Variants in TLDC2 observed in about 807,000 individuals in gnomAD.
The protein encoded by TLDC2 is TLD domain-containing protein 2.
A neutral mutation model predicts 27.9 loss-of-function variants in TLDC2; 23 were observed. The observed-to-expected ratio is 0.82, with a 90% CI of 0.59 to 1.17. TLDC2 has a LOEUF of 1.17. TLDC2 is among the 50% of genes most tolerant of loss of function. The pLI, the probability that TLDC2 is intolerant of heterozygous loss-of-function variation, is 0.00. For missense variants in TLDC2, 286 were observed against 273.4 expected, an observed-to-expected ratio of 1.05 and a Z score of -0.32; for synonymous variants, 124 against 107.4, an observed-to-expected ratio of 1.16 and a Z score of -0.96.
intron 2 of TLDC2, among the ~76,000 whole-genome samples, chr20:36,878,653 G>C (rs1989729524): frequency 6.6e-6 from 1 of 152,024 alleles, no homozygotes; most frequent in Admixed American, 6.6e-5. Flanking sequence ...AGCTGGAGAG[G>C]GGTGGGCGGA....
intron 2 of TLDC2, 29 bp from the exon 3 acceptor site, chr20:36,879,012 C>T: frequency 6.2e-7 from 1 of 1,614,072 alleles, no homozygotes; most frequent in Non-Finnish European, 8.5e-7. Flanking sequence ...GAGGAGAACT[C>T]CTCCATTCAC....
chr20:36,887,112 TGA>T (rs1235704569), intron 4 of TLDC2, among the ~76,000 whole-genome samples: 1 of 151,550 alleles, frequency 6.6e-6, no homozygotes, highest in Non-Finnish European at 1.5e-5. Flanking sequence ...GTTGTCCGGG[TGA>T]GAGTTAGTTA....
rs908820430 is a variant in TLDC2, at chr20:36,894,205, G to T, written c.*1361G>T. ...TGTTGAACTACACTGGATCTGACTT[G>T]ATAGAACTATTAAAAATAGTTTTTA... On this transcript the variant is annotated 3_prime_UTR_variant, in exon 7 of 7. Transcript: ENST00000217320. 5.5e-6 allele frequency: 2 copies of T among 362,284 alleles called. No homozygotes were observed. Among genetic ancestry groups the T allele is most frequent in the African/African-American group, 4.2e-5 (2 of 47,746 alleles). 22.4% of individuals were successfully genotyped at this position (362,284 alleles called of 1,614,324 possible).
chr20:36,892,489 T>C (rs1267131966), intron 6 of TLDC2: 12 of 183,864 alleles, frequency 6.5e-5, no homozygotes, highest in Non-Finnish European at 1.0e-4. Context: ...AACAATCATC[T>C]GTCATAAAAG....
intron 1 of TLDC2, among the ~76,000 whole-genome samples, chr20:36,876,704 T>C (rs140875146): frequency 1.9e-4 from 29 of 151,708 alleles, no homozygotes; most frequent in Non-Finnish European, 3.1e-4. Flanking sequence ...AATGCACTCA[T>C]ACACACTCAA....
intron 4 of TLDC2, among the ~76,000 whole-genome samples, chr20:36,881,569 C>T (rs1235222741): frequency 6.6e-6 from 1 of 152,160 alleles, no homozygotes. Flanking sequence ...TTCAGTGCAT[C>T]GGCTGCTCGG....
intron 1 of TLDC2, among the ~76,000 whole-genome samples, chr20:36,877,220 A>G (rs1301680161): frequency 2.0e-5 from 3 of 152,008 alleles, no homozygotes; most frequent in Admixed American, 6.6e-5. Flanking sequence ...GTCTCTACTA[A>G]AAATACAAAA....
intron 5 of TLDC2, among the ~76,000 whole-genome samples, chr20:36,888,132 C>A (rs1361538532): frequency 6.6e-6 from 1 of 152,138 alleles, no homozygotes; most frequent in Non-Finnish European, 1.5e-5. Context: ...CTGGTTTCAG[C>A]CGAGGTTTTC....
intron 1 of TLDC2, among the ~76,000 whole-genome samples, chr20:36,877,394 A>AG (rs1989695421): frequency 6.6e-6 from 1 of 150,496 alleles, no homozygotes; most frequent in African/African-American, 2.4e-5. Context: ...AAAAAAAAAA[A>AG]AAGGAAAAAG....
rs929747117 is a variant in TLDC2 at position 36,891,440 on chromosome 20, T to C, written c.*18-1422T>C. ...CCGGGGAGCATCAGAGCAGAAGACA[T>C]TCGGGGCTCATGGCTCCCATCCCCA... On this transcript the variant is annotated intron_variant, in intron 6 of 6. Coordinates refer to ENST00000217320, the MANE Select transcript of TLDC2 (RefSeq NM_080628.3). 2.6e-5 allele frequency: 4 copies of C among 152,236 alleles called. No individual in the cohort carries two copies. In the East Asian group the frequency reaches 7.7e-4, roughly 29 times the overall value. 9.4% of individuals were successfully genotyped at this position (152,236 alleles called of 1,614,324 possible).
chr20:36,893,045 G>A lies in TLDC2; in HGVS notation c.*201G>A. On this transcript the variant is annotated 3_prime_UTR_variant, in exon 7 of 7. Coordinates refer to ENST00000217320, the MANE Select transcript of TLDC2 (RefSeq NM_080628.3). ...CATTCCTTTTTTTGAGGTGTTATGA[G>A]TGGGGCTATAACATCGCCATCCTAT... 6.2e-7 allele frequency: 1 copy of A among 1,613,680 alleles called. No individual in the cohort carries two copies. Among genetic ancestry groups the A allele is most frequent in the Non-Finnish European group, 8.5e-7 (1 of 1,179,984 alleles).
chr20:36,880,023 AT>A (rs763992085), intron 3 of TLDC2, among the ~76,000 whole-genome samples: 5 of 142,682 alleles, frequency 3.5e-5, no homozygotes, highest in Non-Finnish European at 7.5e-5. Flanking sequence ...TTGCTTGTCT[AT>A]TACTTCTACT....
Position 36,880,711 on chromosome 20 carries a change from T to C in TLDC2, c.399T>C (p.Thr133=), listed in dbSNP as rs867005908. The change falls in exon 4 of 7, where the codon ACT becomes ACC. Residue 133 remains threonine (T), a synonymous_variant. Coordinates refer to ENST00000217320, the MANE Select transcript of TLDC2 (RefSeq NM_080628.3). ...AIRLSKGFYG[T]GETFLFSFSP... ...GACTCAGCAAAGGCTTCTATGGTACTGGCGAGACATTCCTCTTCTCCTTCT... is the reference window on the plus strand; with the variant it reads ...GACTCAGCAAAGGCTTCTATGGTACCGGCGAGACATTCCTCTTCTCCTTCT... 3 of 1,614,238 alleles carry C rather than the reference T, an allele frequency of 1.9e-6. No individual in the cohort carries two copies. Among genetic ancestry groups the C allele is most frequent in the Middle Eastern group, 1.6e-4 (1 of 6,062 alleles).
At chr20:36,882,398 A>C (rs1043502440) in intron 4 of TLDC2, among the ~76,000 whole-genome samples, 2 of 152,032 alleles carry the variant, frequency 1.3e-5, no homozygotes, top group Non-Finnish European at 2.9e-5. Flanking sequence ...AAAAACAAAA[A>C]CAAAACACGG....
chr20:36,890,515 A>C (rs545001824), intron 6 of TLDC2: 1 of 149,824 alleles, frequency 6.7e-6, no homozygotes, highest in East Asian at 2.0e-4. Flanking sequence ...CCGAGGCTGG[A>C]GTGCAGTGGC....
chr20:36,883,898 C>T (rs1448071016), intron 4 of TLDC2, among the ~76,000 whole-genome samples: 3 of 152,062 alleles, frequency 2.0e-5, no homozygotes, highest in Non-Finnish European at 2.9e-5. Context: ...GTTTGAGACC[C>T]ATCTGGCCAA....
In TLDC2 at chr20:36,877,951, A is replaced by C; in HGVS notation, c.86A>C (p.Glu29Ala). Reference protein sequence around the residue: ...LSGEEGNEEEEEEEAAPDPAA... With the variant: ...LSGEEGNEEEAEEEAAPDPAA... ...GGGGAGGAGGGTAACGAAGAGGAAG[A>C]GGAGGAGGAGGCAGCTCCAGACCCA... Residue 29 changes from glutamate (E) to alanine (A), a missense_variant, in exon 2 of 7, where the codon GAG becomes GCG. Glu to Ala is a moderately radical substitution (Grantham distance 107). Transcript: ENST00000217320. 2 of 1,613,804 alleles carry C rather than the reference A, an allele frequency of 1.2e-6. No homozygotes were observed. The highest frequency in any genetic ancestry group is 1.7e-6 in the Non-Finnish European group (2 of 1,179,856).
chr20:36,892,207 G>C (rs925006433), intron 6 of TLDC2: 1 of 152,896 alleles, frequency 6.5e-6, no homozygotes, highest in Non-Finnish European at 1.5e-5. Context: ...ACCTAATCAG[G>C]CCTCTCACCA....
In TLDC2 at chr20:36,894,117, G is replaced by A; in HGVS notation, c.*1273G>A. The A allele has an allele frequency of 2.5e-6, 1 of 395,938 alleles. No homozygotes were observed. The highest frequency in any genetic ancestry group is 3.6e-5 in the East Asian group (1 of 27,920). 24.5% of individuals were successfully genotyped at this position (395,938 alleles called of 1,614,324 possible). A position where few individuals can be genotyped will look rare whatever the true frequency, so the allele number is the denominator to read the frequency against. Reference sequence around the variant, plus strand: ...AGCAGCTTCCTGCTGTTGAATCACTGTCCTCTATGCTCATTTAGCTCTGCC... The same window carrying A: ...AGCAGCTTCCTGCTGTTGAATCACTATCCTCTATGCTCATTTAGCTCTGCC... On this transcript the variant is annotated 3_prime_UTR_variant, in exon 7 of 7. Transcript: ENST00000217320.
Sources: allele counts gnomAD v4.1 joint callset (sites outside exome capture counted in the v4.1 genomes callset), GRCh38; gene constraint gnomAD v4.1.1; transcripts MANE v1.5; gene names NCBI Gene and HGNC (gene_info 2026-07-23, HGNC 2026-07-21).